Variants in SLAMF6 observed in about 807,000 individuals in gnomAD.
SLAMF6 encodes NK-T-B-antigen.
Under a neutral mutation model 38.3 loss-of-function variants are expected in SLAMF6, and 21 were observed. The ratio of observed to expected loss-of-function variants is 0.55; its 90% CI spans 0.39 to 0.79. The LOEUF is 0.79. Among genes scored for constraint, SLAMF6 ranks in the 30% least tolerant of loss-of-function variants. The probability of loss-of-function intolerance (pLI) is 0.00; values close to 1 mark genes in which losing one functional copy is unlikely to be tolerated. For missense variants in SLAMF6, 341 were observed against 385.3 expected (o/e 0.89, Z 0.96); for synonymous variants, 152 against 146.3 (o/e 1.04, Z -0.28).
chr1:160,521,167 C>T (rs1239357871), intron 1 of SLAMF6, among the ~76,000 whole-genome samples: 3 of 152,092 alleles, frequency 2.0e-5, no homozygotes, highest in African/African-American at 4.8e-5. Flanking sequence ...GCACAGACTC[C>T]GGAGCCAAGC....
intron 1 of SLAMF6, 79 bp downstream of exon 1, chr1:160,523,065 T>C: frequency 6.7e-7 from 1 of 1,497,154 alleles, no homozygotes; most frequent in Non-Finnish European, 9.3e-7. Flanking sequence ...GACAACTGTA[T>C]ACAGACGATT....
intron 1 of SLAMF6, among the ~76,000 whole-genome samples, chr1:160,500,900 C>T (rs141658362): frequency 1.0e-3 from 154 of 152,180 alleles, no homozygotes; most frequent in African/African-American, 3.3e-3. Context: ...TTGCCTGGAA[C>T]GCTTGTTTAA....
chr1:160,489,865 T>C (rs1389847206), intron 5 of SLAMF6, among the ~76,000 whole-genome samples: 5 of 152,194 alleles, frequency 3.3e-5, no homozygotes, highest in Non-Finnish European at 7.3e-5. Flanking sequence ...TTTGGTTTTG[T>C]GCCTTGGATG....
chr1:160,489,202 C>T (rs752240939), intron 5 of SLAMF6, 32 bp from the exon 6 acceptor site: 3 of 1,612,194 alleles, frequency 1.9e-6, no homozygotes, highest in Non-Finnish European at 8.5e-7. Context: ...GTCAATGGCA[C>T]AAGGACTCTG....
chr1:160,499,420 G>A (rs976583094), intron 1 of SLAMF6, among the ~76,000 whole-genome samples: 8 of 152,062 alleles, frequency 5.3e-5, no homozygotes, highest in African/African-American at 1.9e-4. Context: ...TTGTCTATGT[G>A]TCTGTTTGTG....
intron 1 of SLAMF6, among the ~76,000 whole-genome samples, chr1:160,498,241 A>G (rs1396475534): frequency 6.6e-6 from 1 of 152,126 alleles, no homozygotes. Context: ...ACAAAAATAC[A>G]AAAAAGTGTA....
At chr1:160,509,053 G>T (rs1017070904) in intron 1 of SLAMF6, among the ~76,000 whole-genome samples, 3 of 152,216 alleles carry the variant, frequency 2.0e-5, no homozygotes, top group African/African-American at 7.2e-5. Flanking sequence ...TACAATGTTG[G>T]TGGGAGTGTA....
intron 1 of SLAMF6, among the ~76,000 whole-genome samples, chr1:160,497,817 T>C (rs1012840063): frequency 1.3e-5 from 2 of 152,180 alleles, no homozygotes; most frequent in African/African-American, 4.8e-5. Flanking sequence ...GATTTAATTC[T>C]TTTTTATGGC....
At position 160,486,698 on chromosome 1, in the gene SLAMF6, T is replaced by C; in HGVS notation, c.*9A>G. On this transcript the variant is annotated 3_prime_UTR_variant, in exon 8 of 8. Transcript: ENST00000368057. ...TCATTCCCGAATTCCTCTGAGGCCT[T>C]TCAGCAACTTACACGACATTGTCAA... is the stretch of plus-strand genomic sequence containing the variant. The C allele has an allele frequency of 6.2e-7, 1 of 1,613,602 alleles. No homozygotes were observed. Among genetic ancestry groups the C allele is most frequent in the Non-Finnish European group, 8.5e-7 (1 of 1,179,612 alleles).
intron 1 of SLAMF6, among the ~76,000 whole-genome samples, chr1:160,508,187 G>A (rs1323105260): frequency 6.6e-6 from 1 of 152,080 alleles, no homozygotes; most frequent in East Asian, 1.9e-4. Context: ...CCAAAAAAGA[G>A]CCCACATTGC....
chr1:160,489,998 G>C (rs1286591596), intron 5 of SLAMF6, among the ~76,000 whole-genome samples, 200 bp downstream of exon 5: 1 of 152,148 alleles, frequency 6.6e-6, no homozygotes, highest in Non-Finnish European at 1.5e-5. Flanking sequence ...AACTGTGTGA[G>C]TGACTGGTTC....
At chr1:160,488,769 A>G (rs967924085) in intron 6 of SLAMF6, among the ~76,000 whole-genome samples, 6 of 152,204 alleles carry the variant, frequency 3.9e-5, no homozygotes, top group Non-Finnish European at 5.9e-5. Flanking sequence ...ACTGATCATT[A>G]TGCTAGGATA....
chr1:160,514,071 G>A (rs908927377), intron 1 of SLAMF6, among the ~76,000 whole-genome samples: 7 of 152,230 alleles, frequency 4.6e-5, no homozygotes, highest in Non-Finnish European at 7.4e-5. Flanking sequence ...ACACAGAATG[G>A]CAAGCTGGGT....
At chr1:160,487,511 T>C (rs1319927027) in intron 6 of SLAMF6, among the ~76,000 whole-genome samples, 1 of 152,220 alleles carries the variant, frequency 6.6e-6, no homozygotes, top group African/African-American at 2.4e-5. Flanking sequence ...AAAAAACTTA[T>C]ATACCAGATA....
chr1:160,492,120 AC>A (rs145774341), intron 2 of SLAMF6, among the ~76,000 whole-genome samples: 5,415 of 152,268 alleles, frequency 0.036, 110 homozygotes, highest in Middle Eastern at 0.075. Flanking sequence ...GAGAGCAAAG[AC>A]CAGGAAATAT....
intron 1 of SLAMF6, among the ~76,000 whole-genome samples, chr1:160,509,351 G>T (rs1356856915): frequency 6.6e-6 from 1 of 152,186 alleles, no homozygotes; most frequent in Non-Finnish European, 1.5e-5. Context: ...CTTGTCCTTT[G>T]TAGGGACATG....
intron 1 of SLAMF6, among the ~76,000 whole-genome samples, chr1:160,498,188 G>A (rs1653696694): frequency 6.6e-6 from 1 of 151,496 alleles, no homozygotes. Flanking sequence ...TAGACATTCT[G>A]AAAGAATGAA....
chr1:160,508,660 G>T (rs938162218), intron 1 of SLAMF6, among the ~76,000 whole-genome samples: 15 of 152,008 alleles, frequency 9.9e-5, no homozygotes, highest in African/African-American at 3.4e-4. Flanking sequence ...TAGACAAATG[G>T]GATCTAATTA....
rs141036460 is a variant in SLAMF6 at position 160,488,229 on chromosome 1, T to G, written c.879+859A>C. On this transcript the variant is annotated intron_variant, in intron 6 of 7. Transcript: ENST00000368057. ...TGTGGGAAATTAGTTTTTTGATTTG[T>G]CAGAGTGTGAGTTGACTTGTTTTCA... is the stretch of plus-strand genomic sequence containing the variant. Among the ~76,000 whole-genome samples the G allele has an allele frequency of 7.6e-4, 116 of 152,278 alleles. 1 individual carries two copies. The highest frequency in any genetic ancestry group is 1.2e-3 in the Non-Finnish European group (82 of 68,020).
Sources: allele counts gnomAD v4.1 joint callset (sites outside exome capture counted in the v4.1 genomes callset), GRCh38; gene constraint gnomAD v4.1.1; transcripts MANE v1.5; gene names NCBI Gene and HGNC (gene_info 2026-07-23, HGNC 2026-07-21).